The following WDFY4 variants were observed in gnomAD, a reference collection of about 807,000 sequenced individuals.
The protein encoded by WDFY4 is WDFY family member 4.
Under a neutral mutation model 351.9 loss-of-function variants are expected in WDFY4, and 169 were observed. The ratio of observed to expected loss-of-function variants is 0.48; its 90% CI spans 0.42 to 0.55. The LOEUF (loss-of-function observed/expected upper bound fraction) is 0.55. WDFY4 is among the 20% of genes least tolerant of loss of function. The pLI, the probability that WDFY4 is intolerant of heterozygous loss-of-function variation, is 0.00. For missense variants in WDFY4, 3,803 were observed against 3,935.6 expected (o/e 0.97, Z 0.90); for synonymous variants, 1,622 against 1,574.6 (o/e 1.03, Z -0.71).
In WDFY4 at chr10:48,808,038, G is replaced by A. The variant is rs573354413; in HGVS notation, c.4838+80G>A. 61 of 1,194,756 alleles carry A rather than the reference G, an allele frequency of 5.1e-5. No individual in the cohort carries two copies. The East Asian group carries it at 1.5e-3, about 30-fold the overall frequency. The allele number at this position is 1,194,756 out of a possible 1,614,324, so 74.0% of individuals were successfully genotyped here. On this transcript the variant is annotated intron_variant, in intron 28 of 61. Coordinates refer to ENST00000325239, the MANE Select transcript of WDFY4 (RefSeq NM_001394531.1). ...GCATTAAACCTTTTCTTAATGAAAA[G>A]TTTAGCATCTCTGAGTCTGTTTTCT...
At chr10:48,721,409 T>A in intron 4 of WDFY4, 42 bp downstream of exon 4, 1 of 1,534,470 alleles carries the variant, frequency 6.5e-7, no homozygotes, top group Non-Finnish European at 8.8e-7. Flanking sequence ...GCACTGCTCA[T>A]CTAGGTGCAG....
intron 47 of WDFY4, among the ~76,000 whole-genome samples, chr10:48,932,868 A>G (rs140809564): frequency 3.2e-4 from 48 of 152,310 alleles, no homozygotes; most frequent in Middle Eastern, 3.4e-3. Context: ...AAGAAGCCAC[A>G]TGGAAGGATT....
intron 1 of WDFY4, among the ~76,000 whole-genome samples, chr10:48,685,379 G>A (rs1430785974): frequency 2.6e-5 from 4 of 152,198 alleles, no homozygotes; most frequent in African/African-American, 7.2e-5. Flanking sequence ...CCTGGTTGTC[G>A]AGGGGGCGGA....
At chr10:48,788,020 C>G (rs2066548634) in intron 20 of WDFY4, among the ~76,000 whole-genome samples, 1 of 140,604 alleles carries the variant, frequency 7.1e-6, no homozygotes, top group Non-Finnish European at 1.5e-5. Flanking sequence ...CCTTCTCCTT[C>G]TCCTTCTCCT....
intron 13 of WDFY4, among the ~76,000 whole-genome samples, chr10:48,773,123 A>G (rs1444417258): frequency 6.6e-6 from 1 of 152,324 alleles, no homozygotes; most frequent in East Asian, 1.9e-4. Context: ...TAGAATGGCA[A>G]TCATTAAAAA....
chr10:48,966,961 C>T lies in WDFY4; in HGVS notation c.8584+288C>T, dbSNP rs562077378. The T allele has an allele frequency of 7.2e-4, 299 of 413,982 alleles. 1 individual carries two copies. The highest frequency in any genetic ancestry group is 1.2e-3 in the Middle Eastern group (2 of 1,606). 25.6% of individuals were successfully genotyped at this position (413,982 alleles called of 1,614,324 possible). On this transcript the variant is annotated intron_variant, in intron 55 of 61. Coordinates refer to ENST00000325239, the MANE Select transcript of WDFY4 (RefSeq NM_001394531.1). The stretch of plus-strand genomic sequence containing the variant: ...GACACCTCTTTCAGGCACACACACA[C>T]ATCTCTCTTCCTCTTCCTCTCTTTT...
chr10:48,936,699 A>C (rs1840385406), intron 47 of WDFY4, among the ~76,000 whole-genome samples: 1 of 151,550 alleles, frequency 6.6e-6, no homozygotes. Flanking sequence ...TTAGTTGGGC[A>C]TTGTGGCAAG....
intron 44 of WDFY4, among the ~76,000 whole-genome samples, chr10:48,895,120 G>A (rs1232653949): frequency 1.3e-5 from 2 of 152,202 alleles, no homozygotes; most frequent in African/African-American, 4.8e-5. Flanking sequence ...CTGTTCAGGG[G>A]CCTAAGCAAG....
intron 42 of WDFY4, 109 bp downstream of exon 42, chr10:48,875,249 G>A (rs1406715025): frequency 1.7e-6 from 1 of 579,586 alleles, no homozygotes; most frequent in African/African-American, 2.0e-5. Context: ...AAATGCTATT[G>A]TAGCCAGCCC....
At chr10:48,908,434 C>T (rs1279673446) in intron 47 of WDFY4, among the ~76,000 whole-genome samples, 1 of 152,164 alleles carries the variant, frequency 6.6e-6, no homozygotes, top group Non-Finnish European at 1.5e-5. Context: ...AGAATAAGAT[C>T]AACAACGGGA....
chr10:48,854,259 C>T (rs2084156382), intron 39 of WDFY4, among the ~76,000 whole-genome samples: 1 of 152,002 alleles, frequency 6.6e-6, no homozygotes, highest in Non-Finnish European at 1.5e-5. Flanking sequence ...CAGGTGTACA[C>T]CACCATGCCC....
chr10:48,937,994 A>G (rs1410240487), intron 47 of WDFY4, among the ~76,000 whole-genome samples: 2 of 152,156 alleles, frequency 1.3e-5, no homozygotes, highest in Non-Finnish European at 2.9e-5. Flanking sequence ...TCGCCTGGCA[A>G]TGGCCAAGCT....
intron 46 of WDFY4, among the ~76,000 whole-genome samples, chr10:48,900,853 A>G (rs886156163): frequency 5.9e-5 from 9 of 152,294 alleles, no homozygotes; most frequent in Non-Finnish European, 1.3e-4. Flanking sequence ...ATTTGTTTTT[A>G]TTACCATTAA....
intron 47 of WDFY4, among the ~76,000 whole-genome samples, chr10:48,928,590 C>A (rs980667250): frequency 1.2e-4 from 18 of 152,292 alleles, no homozygotes; most frequent in African/African-American, 4.3e-4. Context: ...CAAGAGGACA[C>A]ATTGCTCCTT....
chr10:48,821,622 A>G (rs938487323), intron 34 of WDFY4, among the ~76,000 whole-genome samples: 1 of 152,246 alleles, frequency 6.6e-6, no homozygotes, highest in African/African-American at 2.4e-5. Context: ...TTGAAGGTTC[A>G]TTCAAAAAAC....
intron 2 of WDFY4, among the ~76,000 whole-genome samples, chr10:48,717,569 A>T (rs2063948278): frequency 6.6e-6 from 1 of 152,168 alleles, no homozygotes; most frequent in South Asian, 2.1e-4. Context: ...GGGGTGCCTC[A>T]TTCCCTGGGT....
intron 41 of WDFY4, 49 bp downstream of exon 41, chr10:48,873,746 T>C (rs904765808): frequency 6.3e-5 from 97 of 1,535,386 alleles, no homozygotes; most frequent in Non-Finnish European, 8.3e-5. Flanking sequence ...TAGGGCCTGA[T>C]AGGAAAGCAG....
intron 1 of WDFY4, among the ~76,000 whole-genome samples, chr10:48,690,392 T>A (rs1214911622): frequency 6.6e-6 from 1 of 152,184 alleles, no homozygotes; most frequent in Admixed American, 6.5e-5. Flanking sequence ...ATGTTTGGGG[T>A]GTTGCTTTTT....
At chr10:48,781,335 C>T (rs575304283) in intron 19 of WDFY4, among the ~76,000 whole-genome samples, 5 of 151,844 alleles carry the variant, frequency 3.3e-5, no homozygotes, top group East Asian at 1.9e-4. Flanking sequence ...TCGCTCTTGT[C>T]GCCCAGGCTG....
Sources: allele counts gnomAD v4.1 joint callset (sites outside exome capture counted in the v4.1 genomes callset), GRCh38; gene constraint gnomAD v4.1.1; transcripts MANE v1.5; gene names NCBI Gene and HGNC (gene_info 2026-07-23, HGNC 2026-07-21).